Variants in ZNF354B observed in about 807,000 individuals in gnomAD.
ZNF354B encodes zinc finger protein 354B.
Under a neutral mutation model 12.9 loss-of-function variants are expected in ZNF354B, and 10 were observed. The observed-to-expected ratio is 0.77, with a 90% confidence interval of 0.48 to 1.31. The LOEUF (loss-of-function observed/expected upper bound fraction) is 1.31. Ranked by LOEUF, ZNF354B falls within the 40% of genes most tolerant of loss-of-function variation. The probability of loss-of-function intolerance (pLI) is 0.00; values close to 1 mark genes in which losing one functional copy is unlikely to be tolerated. For synonymous variants in ZNF354B, 260 were observed against 243.7 expected (o/e 1.07, Z -0.62); for missense variants, 614 against 711.7 (o/e 0.86, Z 1.56).
intron 4 of ZNF354B, among the ~76,000 whole-genome samples, chr5:178,877,675 G>A (rs1757658043): frequency 6.6e-6 from 1 of 152,206 alleles, no homozygotes; most frequent in African/African-American, 2.4e-5. Flanking sequence ...TGGAGAACAA[G>A]GTCTTTATTG....
Position 178,884,350 on chromosome 5 carries a change from A to G in ZNF354B, c.*59A>G. 1 of 1,497,670 alleles carries G rather than the reference A, an allele frequency of 6.7e-7. No homozygotes were observed. The highest frequency in any genetic ancestry group is 8.9e-7 in the Non-Finnish European group (1 of 1,119,594). 92.8% of individuals were successfully genotyped at this position (1,497,670 alleles called of 1,614,324 possible). A position where few individuals can be genotyped will look rare whatever the true frequency, so the allele number is the denominator to read the frequency against. On this transcript the variant is annotated 3_prime_UTR_variant, in exon 5 of 5. Coordinates refer to ENST00000322434, the MANE Select transcript of ZNF354B (RefSeq NM_058230.3). ...GCTTGAGAGTGATTTATTAAATATAATGAATATGAGAAAACTCTTAGTTCT... is the reference window on the plus strand; with the variant it reads ...GCTTGAGAGTGATTTATTAAATATAGTGAATATGAGAAAACTCTTAGTTCT...
intron 4 of ZNF354B, among the ~76,000 whole-genome samples, chr5:178,871,783 T>C (rs1207342421): frequency 2.0e-5 from 3 of 152,156 alleles, no homozygotes; most frequent in Admixed American, 6.5e-5. Flanking sequence ...GGGATGCTTG[T>C]TTTGTTTCTG....
At chr5:178,867,759 GAA>G (rs1474810216) in intron 4 of ZNF354B, among the ~76,000 whole-genome samples, 1 of 152,176 alleles carries the variant, frequency 6.6e-6, no homozygotes, top group African/African-American at 2.4e-5. Flanking sequence ...TAAGCAGAGA[GAA>G]AGGTTAGGAG....
chr5:178,871,310 A>G (rs895224044), intron 4 of ZNF354B, among the ~76,000 whole-genome samples: 7 of 152,084 alleles, frequency 4.6e-5, no homozygotes, highest in African/African-American at 1.4e-4. Context: ...GCCCCCACTC[A>G]GGGCCTCTGC....
At chr5:178,862,745 C>T (rs1374737501) in intron 2 of ZNF354B, among the ~76,000 whole-genome samples, 2 of 152,186 alleles carry the variant, frequency 1.3e-5, no homozygotes, top group East Asian at 3.8e-4. Context: ...TGCATTTGAG[C>T]TGGTATTTGT....
intron 4 of ZNF354B, among the ~76,000 whole-genome samples, chr5:178,881,649 A>C (rs996687875): frequency 1.4e-5 from 2 of 140,690 alleles, no homozygotes; most frequent in Non-Finnish European, 3.2e-5. Flanking sequence ...AGTGAGTTTT[A>C]TCATTCATTC....
At position 178,882,629 on chromosome 5, in the gene ZNF354B, A is replaced by G. The variant is rs559440802; in HGVS notation, c.257-80A>G. The G allele has an allele frequency of 8.5e-4, 1,192 of 1,400,576 alleles. 3 individuals carry two copies. Among genetic ancestry groups the G allele is most frequent in the Non-Finnish European group, 1.0e-3 (1,081 of 1,056,794 alleles). 86.8% of individuals were successfully genotyped at this position (1,400,576 alleles called of 1,614,324 possible). A position where few individuals can be genotyped will look rare whatever the true frequency, so the allele number is the denominator to read the frequency against. ...TCATATAGCAAACCCTTACTGAGATACAATTAATCCCTTCTACACATTTAG... is the reference window on the plus strand; with the variant it reads ...TCATATAGCAAACCCTTACTGAGATGCAATTAATCCCTTCTACACATTTAG... On this transcript the variant is annotated intron_variant, in intron 4 of 4. Coordinates refer to ENST00000322434, the MANE Select transcript of ZNF354B (RefSeq NM_058230.3).
intron 4 of ZNF354B, among the ~76,000 whole-genome samples, chr5:178,879,472 T>C (rs1244215590): frequency 6.6e-6 from 1 of 151,104 alleles, no homozygotes; most frequent in Admixed American, 6.6e-5. Context: ...CAACGTTTCC[T>C]GGGTTCAAGC....
Position 178,867,028 on chromosome 5 carries a change from T to G in ZNF354B, c.213T>G (p.Asp71Glu). The G allele has an allele frequency of 6.2e-7, 1 of 1,613,892 alleles. No homozygotes were observed. The highest frequency in any genetic ancestry group is 8.5e-7 in the Non-Finnish European group (1 of 1,179,952). The change falls in exon 4 of 5, where the codon GAT becomes GAG. Residue 71 changes from aspartate to glutamate, a missense_variant. Physicochemically the swap from Asp to Glu is conservative, Grantham distance 45. Transcript: ENST00000322434. ...TCTCCCTGTTGCAGCAAGGAGAAGA[T>G]CCCTGGGAGGTGGAGAAAGACAGTT... The part of the protein sequence containing the change: ...KVISLLQQGE[D>E]PWEVEKDSSG...
At chr5:178,864,953 G>A (rs1018860434) in intron 2 of ZNF354B, among the ~76,000 whole-genome samples, 15 of 152,152 alleles carry the variant, frequency 9.9e-5, no homozygotes, top group Admixed American at 9.8e-4. Context: ...GGACAAACTC[G>A]AAACAGTGAT....
chr5:178,880,000 C>T (rs1009011521), intron 4 of ZNF354B, among the ~76,000 whole-genome samples: 1 of 151,888 alleles, frequency 6.6e-6, no homozygotes, highest in Non-Finnish European at 1.5e-5. Flanking sequence ...GTGGCATGTG[C>T]CTGTAGTCCC....
intron 4 of ZNF354B, among the ~76,000 whole-genome samples, chr5:178,877,332 G>A (rs555934785): frequency 6.6e-6 from 1 of 151,966 alleles, no homozygotes; most frequent in Admixed American, 6.6e-5. Flanking sequence ...ACCACACCTG[G>A]CTAATTTTTA....
chr5:178,877,388 G>A (rs545009512), intron 4 of ZNF354B, among the ~76,000 whole-genome samples: 30 of 152,078 alleles, frequency 2.0e-4, no homozygotes, highest in South Asian at 1.5e-3. Context: ...GGCTGGTCTC[G>A]GAACTCCTGA....
intron 4 of ZNF354B, among the ~76,000 whole-genome samples, chr5:178,867,575 C>T (rs1287621524): frequency 2.0e-5 from 3 of 152,154 alleles, no homozygotes; most frequent in Non-Finnish European, 4.4e-5. Flanking sequence ...AGCTGAGTCT[C>T]CATCCGTGTA....
intron 4 of ZNF354B, among the ~76,000 whole-genome samples, chr5:178,872,379 C>T (rs796766554): frequency 1.3e-5 from 2 of 152,082 alleles, no homozygotes; most frequent in Non-Finnish European, 2.9e-5. Flanking sequence ...GTTTGTATAG[C>T]CATTCCCTTG....
In ZNF354B at chr5:178,884,198, A is replaced by C. The variant is rs755901047; in HGVS notation, c.1746A>C (p.Ala582=). Residue 582 remains alanine (A), a synonymous_variant, in exon 5 of 5, where the codon GCA becomes GCC. Coordinates refer to ENST00000322434, the MANE Select transcript of ZNF354B (RefSeq NM_058230.3). ...HTGEKPYECN[A]CGKLFSQRSS... ...GAGAGAAACCCTATGAATGTAATGC[A>C]TGTGGGAAACTCTTTAGCCAGAGGT... 1.9e-6 allele frequency: 3 copies of C among 1,614,014 alleles called. No homozygotes were observed.
Position 178,883,812 on chromosome 5 carries a change from AT to A in ZNF354B, c.1362del (p.Ile455PhefsTer71). The A allele has an allele frequency of 1.2e-6, 2 of 1,614,166 alleles. No homozygotes were observed. Among genetic ancestry groups the A allele is most frequent in the Non-Finnish European group, 1.7e-6 (2 of 1,180,008 alleles). ...AGCCTTAAGCTCCCACTCAACACTT[AT>A]TATTCATGAGCGAATTCATACTGGA... is the stretch of plus-strand genomic sequence containing the variant. ...GKALSSHSTL[I>X]IHERIHTGEK... On this transcript the variant is annotated frameshift_variant, in exon 5 of 5. Transcript: ENST00000322434. LOFTEE classifies it high-confidence loss of function.
intron 4 of ZNF354B, 92 bp from the exon 5 acceptor site, chr5:178,882,617 C>T (rs1757735923): frequency 3.8e-6 from 5 of 1,324,734 alleles, no homozygotes; most frequent in African/African-American, 1.5e-5. Context: ...TATAGCAAAC[C>T]CTTACTGAGA....
intron 4 of ZNF354B, among the ~76,000 whole-genome samples, chr5:178,872,815 C>G (rs924527254): frequency 6.6e-6 from 1 of 152,080 alleles, no homozygotes; most frequent in African/African-American, 2.4e-5. Context: ...GAGACAGAGT[C>G]TTGCTCTGTC....
Sources: gnomAD v4.1 joint callset for allele counts (sites outside exome capture counted in the v4.1 genomes callset) on GRCh38, gnomAD v4.1.1 for gene constraint, MANE v1.5 for transcripts, NCBI Gene and HGNC (gene_info 2026-07-23, HGNC 2026-07-21) for gene names.